The following AZI2 variants were observed in gnomAD, a reference collection of about 807,000 sequenced individuals.
AZI2 encodes the protein 5-azacytidine-induced protein 2.
A neutral mutation model predicts 45.8 loss-of-function variants in AZI2; 22 were observed. The ratio of observed to expected loss-of-function variants is 0.48; its 90% CI spans 0.34 to 0.69. The LOEUF (loss-of-function observed/expected upper bound fraction) is 0.69. Among genes scored for constraint, AZI2 ranks in the 30% least tolerant of loss-of-function variants. The probability of loss-of-function intolerance (pLI) is 0.01; values close to 1 mark genes in which losing one functional copy is unlikely to be tolerated. For missense variants in AZI2, 417 were observed against 441.5 expected (o/e 0.94, Z 0.50); for synonymous variants, 137 against 156.7 (o/e 0.87, Z 0.94).
chr3:28,340,672 G>A lies in AZI2; in HGVS notation c.-5-50C>T. 6 of 1,387,030 alleles carry A rather than the reference G, an allele frequency of 4.3e-6. No homozygotes were observed. In the African/African-American group the frequency reaches 4.4e-5, roughly 10 times the overall value. 85.9% of individuals were successfully genotyped at this position (1,387,030 alleles called of 1,614,324 possible). ...GTGACAAATGTCTCACTGAATAAGT[G>A]AAAAGGAAAAAAAGTTATAGTTAAG... On this transcript the variant is annotated intron_variant, in intron 1 of 7. Coordinates refer to ENST00000479665, the MANE Select transcript of AZI2 (RefSeq NM_022461.5).
intron 5 of AZI2, among the ~76,000 whole-genome samples, chr3:28,333,375 G>C (rs1221525709): frequency 6.6e-6 from 1 of 151,642 alleles, no homozygotes; most frequent in African/African-American, 2.4e-5. Context: ...AGGGGAAACA[G>C]AACTGGCCCA....
At chr3:28,335,181 A>T (rs1479596614) in intron 5 of AZI2, among the ~76,000 whole-genome samples, 1 of 152,026 alleles carries the variant, frequency 6.6e-6, no homozygotes, top group Non-Finnish European at 1.5e-5. Flanking sequence ...TGGTGTTCCT[A>T]ATGTTAACAG....
chr3:28,335,901 T>C (rs895744065), intron 5 of AZI2, among the ~76,000 whole-genome samples: 1 of 152,066 alleles, frequency 6.6e-6, no homozygotes, highest in Non-Finnish European at 1.5e-5. Context: ...TATACCTTAG[T>C]TTGAGATACA....
chr3:28,336,380 T>C (rs1439104892), intron 5 of AZI2, among the ~76,000 whole-genome samples: 1 of 151,974 alleles, frequency 6.6e-6, no homozygotes, highest in Non-Finnish European at 1.5e-5. Flanking sequence ...AATGAAACTA[T>C]TAAGTAAAAT....
Position 28,340,621 on chromosome 3 carries a change from A to G in AZI2, c.-4T>C, listed in dbSNP as rs777517647. 6.3e-7 allele frequency: 1 copy of G among 1,588,368 alleles called. No individual in the cohort carries two copies. Among genetic ancestry groups the G allele is most frequent in the South Asian group, 1.2e-5 (1 of 85,462 alleles). ...CATCTTCTACCAGTGCATCCATGAC[A>G]ACTGTTTAAAAGAAAAAAAATATGA... is the stretch of plus-strand genomic sequence containing the variant. On this transcript the variant is annotated splice_region_variant and 5_prime_UTR_variant, in exon 2 of 8. Transcript: ENST00000479665.
At chr3:28,338,429 A>T in intron 3 of AZI2, 64 bp downstream of exon 3, 1 of 1,455,262 alleles carries the variant, frequency 6.9e-7, no homozygotes, top group African/African-American at 1.4e-5. Flanking sequence ...TTCTAATTTT[A>T]AACCTCTTGA....
intron 2 of AZI2, among the ~76,000 whole-genome samples, chr3:28,339,115 G>A (rs1228835269): frequency 6.6e-6 from 1 of 151,862 alleles, no homozygotes; most frequent in African/African-American, 2.4e-5. Flanking sequence ...GAGGAGCTGG[G>A]AATATAGGTG....
rs373931739 is a variant in AZI2, at chr3:28,339,044, G to A, written c.217-429C>T. Among the ~76,000 whole-genome samples the A allele has an allele frequency of 8.5e-4, 128 of 151,426 alleles. 2 individuals carry two copies. The South Asian group carries it at 0.024, about 28-fold the overall frequency. Reference sequence around the variant, plus strand: ...CACCCAGGCTGGAGTGCAATGGGGCGATCTCAGCTCACTGCAACCTCCGCC... The same window carrying A: ...CACCCAGGCTGGAGTGCAATGGGGCAATCTCAGCTCACTGCAACCTCCGCC... On this transcript the variant is annotated intron_variant, in intron 2 of 7. Transcript: ENST00000479665.
chr3:28,340,105 A>G (rs1356082615), intron 2 of AZI2, among the ~76,000 whole-genome samples: 1 of 149,872 alleles, frequency 6.7e-6, no homozygotes, highest in African/African-American at 2.5e-5. Flanking sequence ...TTTTGCCCAG[A>G]TTTGAAAATT....
intron 6 of AZI2, among the ~76,000 whole-genome samples, chr3:28,329,008 C>A (rs1180753574): frequency 2.0e-5 from 3 of 151,090 alleles, no homozygotes; most frequent in Non-Finnish European, 4.5e-5. Flanking sequence ...CGCAGTTCCC[C>A]AACTGGGAGT....
intron 6 of AZI2, chr3:28,331,935 C>A (rs985441440): frequency 1.3e-6 from 2 of 1,541,884 alleles, no homozygotes; most frequent in Non-Finnish European, 1.8e-6. Context: ...GCACTCCAGG[C>A]TGTGCTACAG....
rs1251685018 is a variant in AZI2, at chr3:28,348,758, C to G, written c.-163G>C. The G allele has an allele frequency of 5.9e-6, 1 of 170,248 alleles. No homozygotes were observed. Among genetic ancestry groups the G allele is most frequent in the Non-Finnish European group, 1.2e-5 (1 of 84,166 alleles). 10.5% of individuals were successfully genotyped at this position (170,248 alleles called of 1,614,324 possible). On this transcript the variant is annotated 5_prime_UTR_variant, in exon 1 of 8. Coordinates refer to ENST00000479665, the MANE Select transcript of AZI2 (RefSeq NM_022461.5). ...GCTTCCACAGCGAAGGGAGCTGCTC[C>G]GGGCACGTCGCGGAGGGAGTCCCAT...
chr3:28,338,672 AAGTC>A, intron 2 of AZI2, 57 bp from the exon 3 acceptor site: 1 of 1,500,202 alleles, frequency 6.7e-7, no homozygotes, highest in South Asian at 1.3e-5. Flanking sequence ...GATAAAAAAT[AAGTC>A]AGTGTTCTGA....
intron 6 of AZI2, among the ~76,000 whole-genome samples, chr3:28,330,413 A>G (rs1275978146): frequency 1.3e-5 from 2 of 151,390 alleles, no homozygotes; most frequent in African/African-American, 4.8e-5. Flanking sequence ...CTAAACCTTT[A>G]GTTAATGGTT....
At chr3:28,337,865 CTG>C in intron 4 of AZI2, 70 bp downstream of exon 4, 2 of 960,706 alleles carry the variant, frequency 2.1e-6, no homozygotes, top group Admixed American at 2.7e-5. Flanking sequence ...ATACAGAAAA[CTG>C]TTGATATTAC....
intron 6 of AZI2, among the ~76,000 whole-genome samples, chr3:28,331,235 C>G (rs917722974): frequency 9.9e-5 from 15 of 151,206 alleles, no homozygotes; most frequent in African/African-American, 3.2e-4. Context: ...CTACTCCTTT[C>G]TAAACTGATT....
At chr3:28,324,560 A>G in intron 7 of AZI2, 106 bp from the exon 8 acceptor site, 1 of 1,079,344 alleles carries the variant, frequency 9.3e-7, no homozygotes. Context: ...TGAAATTAAG[A>G]TTTCCAAGTT....
At chr3:28,336,596 CAAG>C (rs1432782781) in intron 5 of AZI2, 138 bp downstream of exon 5, 4 of 920,822 alleles carry the variant, frequency 4.3e-6, no homozygotes, top group African/African-American at 3.4e-5. Context: ...GGTAGATAAA[CAAG>C]AATTTTTTAA....
At chr3:28,338,441 G>A (rs1207809101) in intron 3 of AZI2, 52 bp downstream of exon 3, 1 of 1,487,216 alleles carries the variant, frequency 6.7e-7, no homozygotes, top group East Asian at 2.3e-5. Context: ...ACCTCTTGAA[G>A]GAGAAAATTC....
Sources: gnomAD v4.1 joint callset for allele counts (sites outside exome capture counted in the v4.1 genomes callset) on GRCh38, gnomAD v4.1.1 for gene constraint, MANE v1.5 for transcripts, NCBI Gene and HGNC (gene_info 2026-07-23, HGNC 2026-07-21) for gene names.